Variants in PRMT6 observed in about 807,000 individuals in gnomAD.
PRMT6 encodes protein arginine methyltransferase 6.
In PRMT6, 23 loss-of-function variants were observed where a neutral mutation model predicts 30.5. That is an observed-to-expected ratio of 0.75 (90% CI 0.54 to 1.07). The LOEUF (loss-of-function observed/expected upper bound fraction) is 1.07, where lower values mean the gene tolerates loss of function less well. Among genes scored for constraint, PRMT6 ranks in the 50% least tolerant of loss-of-function variants. The pLI is 0.00. For synonymous variants in PRMT6, 265 were observed against 228.0 expected, an observed-to-expected ratio of 1.16 and a Z score of -1.46; for missense variants, 528 against 514.3, an observed-to-expected ratio of 1.03 and a Z score of -0.26.
chr1:107,056,941 C>A lies in PRMT6; in HGVS notation c.226C>A (p.Arg76=), dbSNP rs371757183. The A allele has an allele frequency of 1.2e-6, 2 of 1,611,272 alleles. No homozygotes were observed. Among genetic ancestry groups the A allele is most frequent in the Non-Finnish European group, 1.7e-6 (2 of 1,178,206 alleles). ...CGATGCCTACCGCCTGGGTATCCTT[C>A]GGAACTGGGCAGCACTGCGAGGCAA... ...RTDAYRLGIL[R]NWAALRGKTV... Residue 76 remains arginine (R), a synonymous_variant, in exon 1 of 1, where the codon CGG becomes AGG. Transcript: ENST00000370078.
chr1:107,059,190 A>G lies in PRMT6; in HGVS notation c.*1347A>G, dbSNP rs933905444. The G allele has an allele frequency of 3.6e-5, 6 of 167,042 alleles. No homozygotes were observed. The highest frequency in any genetic ancestry group is 1.4e-4 in the African/African-American group (6 of 41,468). 10.3% of individuals were successfully genotyped at this position (167,042 alleles called of 1,614,324 possible). On this transcript the variant is annotated 3_prime_UTR_variant, in exon 1 of 1. Transcript: ENST00000370078. Reference sequence around the variant, plus strand: ...TCGAGCTTCTGTATGCTAAGAAAATAGGTGTGAAAAACTGGTGTTCTGAAA... The same window carrying G: ...TCGAGCTTCTGTATGCTAAGAAAATGGGTGTGAAAAACTGGTGTTCTGAAA...
rs1049522291 is a variant in PRMT6, at chr1:107,058,502, G to C, written c.*659G>C. ...GTTGATGAACACATTAATCCGTTAA[G>C]TAAAATGGACTTTGTAATTGTACAG... On this transcript the variant is annotated 3_prime_UTR_variant, in exon 1 of 1. Transcript: ENST00000370078. The C allele has an allele frequency of 5.9e-6, 1 of 168,114 alleles. No individual in the cohort carries two copies. Among genetic ancestry groups the C allele is most frequent in the East Asian group, 1.9e-4 (1 of 5,206 alleles). 10.4% of individuals were successfully genotyped at this position (168,114 alleles called of 1,614,324 possible).
chr1:107,058,066 C>T lies in PRMT6; in HGVS notation c.*223C>T. 2 of 642,738 alleles carry T rather than the reference C, an allele frequency of 3.1e-6. No homozygotes were observed. Among genetic ancestry groups the T allele is most frequent in the Non-Finnish European group, 2.7e-6 (1 of 366,420 alleles). 39.8% of individuals were successfully genotyped at this position (642,738 alleles called of 1,614,324 possible). A position where few individuals can be genotyped will look rare whatever the true frequency, so the allele number is the denominator to read the frequency against. ...TGATCCCCCTCAACAACGGATACAG[C>T]GTGCTTATTATTGGGCATTTAGCCT... is the stretch of plus-strand genomic sequence containing the variant. On this transcript the variant is annotated 3_prime_UTR_variant, in exon 1 of 1. Transcript: ENST00000370078.
At position 107,059,025 on chromosome 1, in the gene PRMT6, C is replaced by T. The variant is rs1054176418; in HGVS notation, c.*1182C>T. On this transcript the variant is annotated 3_prime_UTR_variant, in exon 1 of 1. Coordinates refer to ENST00000370078, the MANE Select transcript of PRMT6 (RefSeq NM_018137.3). ...AGCCAATAAAACATTGACATTCTCACGTTTTATAGATGAGGTAAAAAGTCT... is the reference window on the plus strand; with the variant it reads ...AGCCAATAAAACATTGACATTCTCATGTTTTATAGATGAGGTAAAAAGTCT... The T allele has an allele frequency of 4.2e-5, 7 of 167,038 alleles. No individual in the cohort carries two copies. The highest frequency in any genetic ancestry group is 1.7e-4 in the African/African-American group (7 of 41,434). 10.3% of individuals were successfully genotyped at this position (167,038 alleles called of 1,614,324 possible).
Position 107,059,174 on chromosome 1 carries a change from T to C in PRMT6, c.*1331T>C, listed in dbSNP as rs910620537. 6 of 167,040 alleles carry C rather than the reference T, an allele frequency of 3.6e-5. No homozygotes were observed. Among genetic ancestry groups the C allele is most frequent in the African/African-American group, 1.4e-4 (6 of 41,460 alleles). 10.3% of individuals were successfully genotyped at this position (167,040 alleles called of 1,614,324 possible). ...GCTTAATGTATGATTTTCGAGCTTCTGTATGCTAAGAAAATAGGTGTGAAA... is the reference window on the plus strand; with the variant it reads ...GCTTAATGTATGATTTTCGAGCTTCCGTATGCTAAGAAAATAGGTGTGAAA... On this transcript the variant is annotated 3_prime_UTR_variant, in exon 1 of 1. Transcript: ENST00000370078.
rs1415767947 is a variant in PRMT6, at chr1:107,057,682, C to T, written c.967C>T (p.Leu323Phe). The change falls in exon 1 of 1, where the codon CTC becomes TTC. Residue 323 changes from leucine (L) to phenylalanine (F), a missense_variant. Coordinates refer to ENST00000370078, the MANE Select transcript of PRMT6 (RefSeq NM_018137.3). ...GGCCACTCACTGGAAACAGGCGCTC[C>T]TCTACCTGAACGAGCCGGTGCAAGT... ...HPATHWKQAL[L>F]YLNEPVQVEQ... 6.2e-7 allele frequency: 1 copy of T among 1,614,270 alleles called. No homozygotes were observed. Among genetic ancestry groups the T allele is most frequent in the Non-Finnish European group, 8.5e-7 (1 of 1,180,052 alleles).
chr1:107,057,479 A>AG lies in PRMT6; in HGVS notation c.765dup (p.Leu256AlafsTer164). On this transcript the variant is annotated frameshift_variant, in exon 1 of 1. Transcript: ENST00000370078. LOFTEE classifies it high-confidence loss of function. ...CTGGCCCGGCCGCAGCGCTTTGCTC[A>AG]GCTAGAGCTCTCCCGCGCCGGCTTG... 1.9e-6 allele frequency: 3 copies of AG among 1,613,038 alleles called. No homozygotes were observed. Among genetic ancestry groups the AG allele is most frequent in the Non-Finnish European group, 2.5e-6 (3 of 1,179,620 alleles).
rs1167129923 is a variant in PRMT6 at position 107,057,879 on chromosome 1, C to G, written c.*36C>G. On this transcript the variant is annotated 3_prime_UTR_variant, in exon 1 of 1. Coordinates refer to ENST00000370078, the MANE Select transcript of PRMT6 (RefSeq NM_018137.3). ...TTCTCCCAGCTACCTCCCAAAGCAGCCTGACCTGCGTGGGAGAGGCGTAGC... is the reference window on the plus strand; with the variant it reads ...TTCTCCCAGCTACCTCCCAAAGCAGGCTGACCTGCGTGGGAGAGGCGTAGC... The G allele has an allele frequency of 6.4e-7, 1 of 1,553,090 alleles. No individual in the cohort carries two copies.
Position 107,056,886 on chromosome 1 carries a change from C to T in PRMT6, c.171C>T (p.His57=). 4 of 1,613,524 alleles carry T rather than the reference C, an allele frequency of 2.5e-6. No individual in the cohort carries two copies. Among genetic ancestry groups the T allele is most frequent in the Non-Finnish European group, 3.4e-6 (4 of 1,179,704 alleles). Residue 57 remains histidine, a synonymous_variant, in exon 1 of 1, where the codon CAC becomes CAT. Transcript: ENST00000370078. ...AGTGCTACTCGGACGTTTCGGTCCACGAGGAGATGATCGCGGACCGCGTCC... is the reference window on the plus strand; with the variant it reads ...AGTGCTACTCGGACGTTTCGGTCCATGAGGAGATGATCGCGGACCGCGTCC... ...YYECYSDVSV[H]EEMIADRVRT...
chr1:107,058,279 A>G lies in PRMT6; in HGVS notation c.*436A>G. 1 of 253,440 alleles carries G rather than the reference A, an allele frequency of 3.9e-6. No homozygotes were observed. The highest frequency in any genetic ancestry group is 8.3e-6 in the Non-Finnish European group (1 of 120,504). 15.7% of individuals were successfully genotyped at this position (253,440 alleles called of 1,614,324 possible). ...TTAGACTTCATACATTTCCAGTACG[A>G]CTTTAGTATCTCTCCAGAGCCATAT... On this transcript the variant is annotated 3_prime_UTR_variant, in exon 1 of 1. Transcript: ENST00000370078.
At position 107,056,774 on chromosome 1, in the gene PRMT6, G is replaced by A; in HGVS notation, c.59G>A (p.Gly20Glu). The A allele has an allele frequency of 1.9e-6, 3 of 1,558,758 alleles. No individual in the cohort carries two copies. The highest frequency in any genetic ancestry group is 1.4e-5 in the African/African-American group (1 of 73,468). Reference protein sequence around the residue: ...ESGGGGEGGEGTEEEDGAERE... With the variant: ...ESGGGGEGGEETEEEDGAERE... The stretch of plus-strand genomic sequence containing the variant: ...GGGGGCGGCGGCGAAGGAGGGGAGG[G>A]AACTGAAGAGGAAGATGGCGCGGAG... The change falls in exon 1 of 1, where the codon GGA (glycine) becomes GAA (glutamate). Residue 20 changes from glycine to glutamate, a missense_variant. Gly to Glu is a moderately conservative substitution (Grantham distance 98). Coordinates refer to ENST00000370078, the MANE Select transcript of PRMT6 (RefSeq NM_018137.3).
In PRMT6 at chr1:107,058,193, A is replaced by G. The variant is rs1034427896; in HGVS notation, c.*350A>G. 6.1e-5 allele frequency: 23 copies of G among 374,384 alleles called. No homozygotes were observed. Among genetic ancestry groups the G allele is most frequent in the South Asian group, 3.5e-4 (15 of 42,938 alleles). 23.2% of individuals were successfully genotyped at this position (374,384 alleles called of 1,614,324 possible). On this transcript the variant is annotated 3_prime_UTR_variant, in exon 1 of 1. Transcript: ENST00000370078. ...GAAAATGTCAGTTTTTGAAGGGTCC[A>G]TGCACATCCCTGACACCTCACACCT... is the stretch of plus-strand genomic sequence containing the variant.
Position 107,056,698 on chromosome 1 carries a change from C to T in PRMT6, c.-18C>T, listed in dbSNP as rs1238159016. ...CGTGCCGCGCTACGCCCGCCGGGAGCCGGGCAGAGCGGCCAAGATGTCGCA... is the reference window on the plus strand; with the variant it reads ...CGTGCCGCGCTACGCCCGCCGGGAGTCGGGCAGAGCGGCCAAGATGTCGCA... On this transcript the variant is annotated 5_prime_UTR_variant, in exon 1 of 1. Coordinates refer to ENST00000370078, the MANE Select transcript of PRMT6 (RefSeq NM_018137.3). 2.0e-6 allele frequency: 3 copies of T among 1,479,632 alleles called. No individual in the cohort carries two copies. The highest frequency in any genetic ancestry group is 2.8e-5 in the African/African-American group (2 of 70,640). The allele number at this position is 1,479,632 out of a possible 1,614,324, so 91.7% of individuals were successfully genotyped here. A position where few individuals can be genotyped will look rare whatever the true frequency, so the allele number is the denominator to read the frequency against.
In PRMT6 at chr1:107,057,564, G is replaced by C. The variant is rs760415363; in HGVS notation, c.849G>C (p.Ala283=). 1 of 1,613,750 alleles carries C rather than the reference G, an allele frequency of 6.2e-7. No homozygotes were observed. Among genetic ancestry groups the C allele is most frequent in the Non-Finnish European group, 8.5e-7 (1 of 1,179,938 alleles). The part of the protein sequence containing the change: ...GRFRCSCYGS[A]PMHGFAIWFQ... Reference sequence around the variant, plus strand: ...TCCGCTGCAGCTGCTATGGCTCGGCGCCCATGCATGGCTTTGCCATCTGGT... The same window carrying C: ...TCCGCTGCAGCTGCTATGGCTCGGCCCCCATGCATGGCTTTGCCATCTGGT... Residue 283 remains alanine, a synonymous_variant, in exon 1 of 1, where the codon GCG becomes GCC. Coordinates refer to ENST00000370078, the MANE Select transcript of PRMT6 (RefSeq NM_018137.3).
chr1:107,057,762 C>T lies in PRMT6; in HGVS notation c.1047C>T (p.Asn349=), dbSNP rs1161395686. 5 of 1,613,458 alleles carry T rather than the reference C, an allele frequency of 3.1e-6. No homozygotes were observed. The highest frequency in any genetic ancestry group is 3.3e-5 in the Admixed American group (2 of 59,926). Residue 349 remains asparagine, a synonymous_variant, in exon 1 of 1, where the codon AAC becomes AAT. Coordinates refer to ENST00000370078, the MANE Select transcript of PRMT6 (RefSeq NM_018137.3). ...GEITLLPSRD[N]PRRLRVLLRY... Reference sequence around the variant, plus strand: ...TCACGCTGCTGCCCTCCCGGGACAACCCCCGTCGCCTGCGCGTGCTGCTGC... The same window carrying T: ...TCACGCTGCTGCCCTCCCGGGACAATCCCCGTCGCCTGCGCGTGCTGCTGC...
At position 107,058,278 on chromosome 1, in the gene PRMT6, G is replaced by A. The variant is rs1274195877; in HGVS notation, c.*435G>A. The A allele has an allele frequency of 1.9e-5, 5 of 256,512 alleles. No individual in the cohort carries two copies. Among genetic ancestry groups the A allele is most frequent in the Non-Finnish European group, 4.1e-5 (5 of 122,414 alleles). 15.9% of individuals were successfully genotyped at this position (256,512 alleles called of 1,614,324 possible). A position where few individuals can be genotyped will look rare whatever the true frequency, so the allele number is the denominator to read the frequency against. ...TTTAGACTTCATACATTTCCAGTAC[G>A]ACTTTAGTATCTCTCCAGAGCCATA... On this transcript the variant is annotated 3_prime_UTR_variant, in exon 1 of 1. Coordinates refer to ENST00000370078, the MANE Select transcript of PRMT6 (RefSeq NM_018137.3).
rs375381360 is a variant in PRMT6, at chr1:107,057,088, C to T, written c.373C>T (p.Arg125Trp). ...AIWQQAREVV[R>W]FNGLEDRVHV... is the part of the protein sequence containing the mutation. ...CTGGCAACAGGCCCGGGAGGTGGTG[C>T]GGTTCAACGGGCTGGAGGACCGGGT... The change falls in exon 1 of 1, where the codon CGG becomes TGG. Residue 125 changes from arginine to tryptophan, a missense_variant. Physicochemically the swap from Arg to Trp is moderately radical, Grantham distance 101. Transcript: ENST00000370078. 1 of 1,608,032 alleles carries T rather than the reference C, an allele frequency of 6.2e-7. No individual in the cohort carries two copies.
In PRMT6 at chr1:107,058,047, C is replaced by T; in HGVS notation, c.*204C>T. 1.4e-6 allele frequency: 1 copy of T among 715,714 alleles called. No individual in the cohort carries two copies. 44.3% of individuals were successfully genotyped at this position (715,714 alleles called of 1,614,324 possible). A position where few individuals can be genotyped will look rare whatever the true frequency, so the allele number is the denominator to read the frequency against. ...GTGATGTTTACTTAAAAAGTGATCC[C>T]CCTCAACAACGGATACAGCGTGCTT... is the stretch of plus-strand genomic sequence containing the variant. On this transcript the variant is annotated 3_prime_UTR_variant, in exon 1 of 1. Transcript: ENST00000370078.
Position 107,057,259 on chromosome 1 carries a change from G to A in PRMT6, c.544G>A (p.Gly182Ser). 4 of 1,614,066 alleles carry A rather than the reference G, an allele frequency of 2.5e-6. 1 individual carries two copies. Among genetic ancestry groups the A allele is most frequent in the South Asian group, 2.2e-5 (2 of 91,084 alleles). ...HARTKWLKEG[G>S]LLLPASAELF... Reference sequence around the variant, plus strand: ...GCGAACCAAGTGGCTGAAGGAGGGCGGTCTTCTCCTGCCGGCCTCCGCCGA... The same window carrying A: ...GCGAACCAAGTGGCTGAAGGAGGGCAGTCTTCTCCTGCCGGCCTCCGCCGA... Residue 182 changes from glycine (G) to serine (S), a missense_variant, in exon 1 of 1, where the codon GGT becomes AGT. Physicochemically the swap from Gly to Ser is moderately conservative, Grantham distance 56. Transcript: ENST00000370078.
Sources: gnomAD v4.1 joint callset for allele counts on GRCh38, gnomAD v4.1.1 for gene constraint, MANE v1.5 for transcripts, NCBI Gene and HGNC (gene_info 2026-07-23, HGNC 2026-07-21) for gene names.